Variants in SMC2 observed in about 807,000 individuals in gnomAD.
SMC2 encodes structural maintenance of chromosomes 2, also known as structural maintenance of chromosomes protein 2.
In SMC2, 41 loss-of-function variants were observed where a neutral mutation model predicts 142.6. That is an observed-to-expected ratio of 0.29 (90% CI 0.22 to 0.37). SMC2 has a LOEUF of 0.37. Ranked by LOEUF, SMC2 falls within the 10% of genes least tolerant of loss-of-function variation. The pLI, the probability that SMC2 is intolerant of heterozygous loss-of-function variation, is 1.00. For missense variants in SMC2, 1,265 were observed against 1,373.7 expected (o/e 0.92, Z 1.25); for synonymous variants, 463 against 457.5 (o/e 1.01, Z -0.15).
intron 23 of SMC2, among the ~76,000 whole-genome samples, chr9:104,135,060 C>T (rs1390917453): frequency 6.6e-6 from 1 of 151,908 alleles, no homozygotes; most frequent in Non-Finnish European, 1.5e-5. Flanking sequence ...TTTGAAGGAA[C>T]CAAACTGTTA....
chr9:104,097,905 A>G (rs894928326), intron 3 of SMC2, among the ~76,000 whole-genome samples: 4 of 151,528 alleles, frequency 2.6e-5, no homozygotes, highest in Non-Finnish European at 5.9e-5. Context: ...ATCATACCCA[A>G]TAAATGACAA....
intron 9 of SMC2, among the ~76,000 whole-genome samples, chr9:104,106,133 C>T (rs2131347205): frequency 6.6e-6 from 1 of 152,262 alleles, no homozygotes; most frequent in East Asian, 1.9e-4. Flanking sequence ...TAGGCTGTTT[C>T]ATTGTTCAGT....
At chr9:104,134,200 G>C (rs1787478067) in intron 22 of SMC2, among the ~76,000 whole-genome samples, 1 of 152,054 alleles carries the variant, frequency 6.6e-6, no homozygotes, top group Non-Finnish European at 1.5e-5. Flanking sequence ...TCCAGTCTCT[G>C]TTGCAACTAC....
intron 7 of SMC2, among the ~76,000 whole-genome samples, chr9:104,100,777 A>G (rs1001834452): frequency 2.0e-5 from 3 of 152,194 alleles, no homozygotes; most frequent in African/African-American, 7.2e-5. Flanking sequence ...CCTCATTGAG[A>G]ACAATTTCCA....
intron 16 of SMC2, among the ~76,000 whole-genome samples, chr9:104,122,761 ATAAT>A (rs1207876048): frequency 2.0e-5 from 3 of 152,186 alleles, no homozygotes; most frequent in South Asian, 2.1e-4. Flanking sequence ...TGTAATTGTT[ATAAT>A]TAATCATTTT....
chr9:104,105,962 G>A (rs968997886), intron 9 of SMC2, among the ~76,000 whole-genome samples: 1 of 152,184 alleles, frequency 6.6e-6, no homozygotes, highest in Non-Finnish European at 1.5e-5. Flanking sequence ...ACACTCCTGG[G>A]ATCTCAGATG....
intron 20 of SMC2, among the ~76,000 whole-genome samples, chr9:104,128,333 A>G (rs560918382): frequency 5.9e-5 from 9 of 152,216 alleles, no homozygotes; most frequent in Non-Finnish European, 1.3e-4. Flanking sequence ...CCATTAGCTT[A>G]GTGATAGTGG....
intron 22 of SMC2, among the ~76,000 whole-genome samples, 175 bp from the exon 23 acceptor site, chr9:104,134,240 G>A (rs1280918524): frequency 6.6e-6 from 1 of 152,146 alleles, no homozygotes; most frequent in African/African-American, 2.4e-5. Context: ...AGCACCGATA[G>A]ACGCTTTGTA....
chr9:104,138,267 A>G (rs930133104), intron 24 of SMC2, 102 bp downstream of exon 24: 1 of 926,422 alleles, frequency 1.1e-6, no homozygotes, highest in African/African-American at 1.7e-5. Flanking sequence ...TTTAGGGTTG[A>G]TAAATACTAA....
At chr9:104,095,612 C>A in intron 2 of SMC2, 60 bp downstream of exon 2, 1 of 1,347,620 alleles carries the variant, frequency 7.4e-7, no homozygotes, top group Non-Finnish European at 1.1e-6. Context: ...CCTCACTGAA[C>A]TTTGGAGACG....
At chr9:104,129,520 T>TAGTC (rs113200285) in intron 20 of SMC2, 125 bp from the exon 21 acceptor site, 15,000 of 765,092 alleles carry the variant, frequency 0.02, 914 homozygotes, top group African/African-American at 0.17. Flanking sequence ...AAAAAAAAAT[T>TAGTC]AGTCATTGAA....
intron 15 of SMC2, 99 bp from the exon 16 acceptor site, chr9:104,119,928 A>G (rs924529568): frequency 9.8e-6 from 11 of 1,120,616 alleles, no homozygotes; most frequent in Middle Eastern, 2.0e-4. Context: ...AATATTTACT[A>G]TTGAATCAAT....
intron 1 of SMC2, chr9:104,094,714 G>T (rs1238560989): frequency 9.1e-6 from 3 of 331,450 alleles, no homozygotes; most frequent in African/African-American, 4.3e-5. Context: ...CAAGAAGTTG[G>T]AGAATATGAG....
chr9:104,103,556 C>T (rs1831407314), intron 9 of SMC2, among the ~76,000 whole-genome samples: 1 of 152,126 alleles, frequency 6.6e-6, no homozygotes, highest in Admixed American at 6.5e-5. Context: ...AGGATAGGAA[C>T]TAGTGTATAG....
upstream of SMC2, among the ~76,000 whole-genome samples, chr9:104,089,609 C>T (rs1047361632): frequency 2.6e-5 from 4 of 151,976 alleles, no homozygotes; most frequent in Non-Finnish European, 4.4e-5. Context: ...CAGAAAGAAA[C>T]GAATATAAAA....
chr9:104,130,264 C>T (rs553427672), intron 21 of SMC2, among the ~76,000 whole-genome samples: 1 of 152,262 alleles, frequency 6.6e-6, no homozygotes, highest in South Asian at 2.1e-4. Flanking sequence ...AGCCTCTTCT[C>T]AGTTTTAATG....
chr9:104,138,210 A>C, intron 24 of SMC2, 45 bp downstream of exon 24: 2 of 1,467,066 alleles, frequency 1.4e-6, no homozygotes, highest in Non-Finnish European at 1.8e-6. Flanking sequence ...TAATTAGACT[A>C]TTTTTCTAAA....
intron 9 of SMC2, among the ~76,000 whole-genome samples, chr9:104,109,726 T>A (rs1832215210): frequency 6.6e-6 from 1 of 152,166 alleles, no homozygotes; most frequent in South Asian, 2.1e-4. Context: ...TGCAGACAAA[T>A]ACCATATTGC....
intron 3 of SMC2, 102 bp from the exon 4 acceptor site, chr9:104,098,344 G>A (rs1830696685): frequency 2.0e-6 from 2 of 983,702 alleles, no homozygotes. Context: ...TTTGTTTACT[G>A]CTAGTCAGAC....
Sources: gnomAD v4.1 joint callset for allele counts (sites outside exome capture counted in the v4.1 genomes callset) on GRCh38, gnomAD v4.1.1 for gene constraint, MANE v1.5 for transcripts, NCBI Gene and HGNC (gene_info 2026-07-23, HGNC 2026-07-21) for gene names.